The following SSBP2 variants were observed in gnomAD, a reference collection of about 807,000 sequenced individuals.
SSBP2 encodes single-stranded DNA-binding protein 2.
SSBP2 carries 17 observed loss-of-function variants against 61.8 expected under a neutral mutation model. That is an observed-to-expected ratio of 0.28 (90% CI 0.19 to 0.41). The LOEUF (loss-of-function observed/expected upper bound fraction) is 0.41, where lower values mean the gene tolerates loss of function less well. SSBP2 is among the 10% of genes least tolerant of loss of function. The probability of loss-of-function intolerance (pLI) is 1.00; values close to 1 mark genes in which losing one functional copy is unlikely to be tolerated. For synonymous variants in SSBP2, 139 were observed against 141.3 expected (o/e 0.98, Z 0.12); for missense variants, 310 against 458.7 (o/e 0.68, Z 2.96).
chr5:81,581,683 A>AG (rs1421164247), intron 4 of SSBP2, among the ~76,000 whole-genome samples: 1 of 152,340 alleles, frequency 6.6e-6, no homozygotes, highest in East Asian at 1.9e-4. Flanking sequence ...TATATTTTGC[A>AG]GAAAAAAACT....
chr5:81,721,213 G>GCA (rs1353669976), intron 1 of SSBP2, among the ~76,000 whole-genome samples: 1 of 151,944 alleles, frequency 6.6e-6, no homozygotes, highest in African/African-American at 2.4e-5. Context: ...TCTGAATATG[G>GCA]CAATCCAATC....
intron 3 of SSBP2, among the ~76,000 whole-genome samples, chr5:81,623,033 G>T (rs1746764783): frequency 7.3e-6 from 1 of 136,718 alleles, no homozygotes; most frequent in African/African-American, 2.6e-5. Context: ...AGCCTTACTG[G>T]GAATAATAAA....
At chr5:81,664,863 G>T (rs1314638475) in intron 1 of SSBP2, among the ~76,000 whole-genome samples, 1 of 152,136 alleles carries the variant, frequency 6.6e-6, no homozygotes, top group Non-Finnish European at 1.5e-5. Context: ...GTCTGCCAAA[G>T]ATCAGATAGT....
At position 81,513,674 on chromosome 5, in the gene SSBP2, G is replaced by T; in HGVS notation, c.326C>A (p.Pro109Gln). The T allele has an allele frequency of 6.2e-7, 1 of 1,612,912 alleles. No homozygotes were observed. Among genetic ancestry groups the T allele is most frequent in the Non-Finnish European group, 8.5e-7 (1 of 1,179,124 alleles). ...AGGACCTACTGGCATGCCATCTCCTGGGGGAATGTTTCCTAGCACTGGACT... is the reference window on the plus strand; with the variant it reads ...AGGACCTACTGGCATGCCATCTCCTTGGGGAATGTTTCCTAGCACTGGACT... Residue 109 changes from proline (P) to glutamine (Q), a missense_variant, in exon 5 of 17, where the codon CCA becomes CAA. Pro to Gln is a moderately conservative substitution (Grantham distance 76, BLOSUM62 -1). This residue lies in a region of SSBP2 where 209 missense variants were observed against 286.4 expected (regional missense o/e 0.73). Coordinates refer to ENST00000320672, the MANE Select transcript of SSBP2 (RefSeq NM_012446.5).
intron 1 of SSBP2, among the ~76,000 whole-genome samples, chr5:81,687,531 T>TC: frequency 6.6e-6 from 1 of 152,182 alleles, no homozygotes; most frequent in East Asian, 1.9e-4. Context: ...AAGGGAGTAC[T>TC]TGTACCACTC....
At position 81,488,060 on chromosome 5, in the gene SSBP2, A is replaced by AT. The variant is rs1561459590; in HGVS notation, c.432+1189_432+1190insA. Among the ~76,000 whole-genome samples the AT allele has an allele frequency of 2.1e-3, 120 of 56,746 alleles. 3 individuals are homozygous for AT. Among genetic ancestry groups the AT allele is most frequent in the South Asian group, 7.0e-3 (10 of 1,420 alleles). 37.2% of individuals were successfully genotyped at this position (56,746 alleles called of 152,430 possible). ...ATATATATATATATATATATATATA[A>AT]ATAAAATATCATATATTATATATAT... On this transcript the variant is annotated intron_variant, in intron 6 of 16. Coordinates refer to ENST00000320672, the MANE Select transcript of SSBP2 (RefSeq NM_012446.5).
intron 1 of SSBP2, among the ~76,000 whole-genome samples, chr5:81,731,618 C>G (rs1756271994): frequency 6.6e-6 from 1 of 152,022 alleles, no homozygotes; most frequent in Admixed American, 6.6e-5. Flanking sequence ...TCTTCAATTT[C>G]CAGGTTTCAA....
chr5:81,538,610 G>C (rs913958384), intron 4 of SSBP2, among the ~76,000 whole-genome samples: 1 of 152,196 alleles, frequency 6.6e-6, no homozygotes, highest in Non-Finnish European at 1.5e-5. Context: ...ATATTCAAAG[G>C]CTGATTCTCT....
intron 4 of SSBP2, among the ~76,000 whole-genome samples, chr5:81,542,048 G>A (rs1004527062): frequency 1.3e-5 from 2 of 151,954 alleles, no homozygotes; most frequent in Admixed American, 6.6e-5. Flanking sequence ...TCCAGAATCC[G>A]TAAGGACCTT....
chr5:81,672,689 G>A (rs778510492), intron 1 of SSBP2, among the ~76,000 whole-genome samples: 1 of 151,266 alleles, frequency 6.6e-6, no homozygotes, highest in East Asian at 1.9e-4. Context: ...CTCCTGCCTC[G>A]GCATCCTGTG....
At chr5:81,476,743 A>G (rs1479044979) in intron 6 of SSBP2, among the ~76,000 whole-genome samples, 2 of 152,158 alleles carry the variant, frequency 1.3e-5, no homozygotes, top group African/African-American at 4.8e-5. Context: ...TTATCAACCC[A>G]TCAGCTGTAG....
chr5:81,720,819 A>G (rs1017934381), intron 1 of SSBP2, among the ~76,000 whole-genome samples: 1 of 152,208 alleles, frequency 6.6e-6, no homozygotes, highest in Non-Finnish European at 1.5e-5. Context: ...TTGATTTTCT[A>G]ACTGGTAAGA....
At chr5:81,631,431 G>A (rs1277300795) in intron 3 of SSBP2, among the ~76,000 whole-genome samples, 5 of 151,026 alleles carry the variant, frequency 3.3e-5, no homozygotes, top group African/African-American at 9.7e-5. Flanking sequence ...GCTAAGAGAC[G>A]AGTGTAAACC....
chr5:81,635,664 A>C (rs1748152702), intron 3 of SSBP2, among the ~76,000 whole-genome samples: 1 of 151,098 alleles, frequency 6.6e-6, no homozygotes, highest in East Asian at 1.9e-4. Context: ...GCTCACTGCA[A>C]GCTCCGCCTC....
intron 12 of SSBP2, chr5:81,443,004 G>C (rs759179766): frequency 9.4e-6 from 2 of 213,608 alleles, no homozygotes; most frequent in Non-Finnish European, 1.8e-5. Context: ...TTTTAAAAAA[G>C]ATACTTTTTT....
At chr5:81,568,909 T>C (rs1773639726) in intron 4 of SSBP2, among the ~76,000 whole-genome samples, 1 of 152,150 alleles carries the variant, frequency 6.6e-6, no homozygotes. Context: ...AAAAATGTTC[T>C]GAATGGTAGA....
chr5:81,653,251 A>T (rs1185304966), intron 1 of SSBP2, among the ~76,000 whole-genome samples: 2 of 152,204 alleles, frequency 1.3e-5, no homozygotes, highest in African/African-American at 2.4e-5. Context: ...TCCAGCTTCA[A>T]CCATGTCCCT....
intron 4 of SSBP2, among the ~76,000 whole-genome samples, chr5:81,605,539 C>T (rs1286405162): frequency 2.0e-5 from 3 of 151,976 alleles, no homozygotes; most frequent in Non-Finnish European, 4.4e-5. Context: ...GCTAAAAACC[C>T]GTAAGAACTA....
At chr5:81,679,614 A>G (rs1268022071) in intron 1 of SSBP2, among the ~76,000 whole-genome samples, 1 of 152,234 alleles carries the variant, frequency 6.6e-6, no homozygotes, top group Non-Finnish European at 1.5e-5. Context: ...CTAAAAAAGG[A>G]GAAAAATGGA....
Sources: allele counts gnomAD v4.1 joint callset (sites outside exome capture counted in the v4.1 genomes callset), GRCh38; gene constraint gnomAD v4.1.1; regional missense constraint gnomAD v4.1.1; transcripts MANE v1.5; gene names NCBI Gene and HGNC (gene_info 2026-07-23, HGNC 2026-07-21).